Variants in SIM1 observed in about 807,000 individuals in gnomAD.
SIM1 encodes single-minded homolog 1.
In SIM1, 18 loss-of-function variants were observed where a neutral mutation model predicts 78.2. That is an observed-to-expected ratio of 0.23 (90% CI 0.16 to 0.34). The LOEUF is 0.34. Ranked by LOEUF, SIM1 falls within the 10% of genes least tolerant of loss-of-function variation. The pLI is 1.00. For missense variants in SIM1, 939 were observed against 975.1 expected (o/e 0.96, Z 0.49); for synonymous variants, 417 against 385.2 (o/e 1.08, Z -0.97).
chr6:100,461,644 C>A (rs947237313), intron 2 of SIM1, among the ~76,000 whole-genome samples: 5 of 152,060 alleles, frequency 3.3e-5, no homozygotes, highest in Non-Finnish European at 2.9e-5. Flanking sequence ...GTGCGGCCAG[C>A]GGAGTTCGCA....
rs1042820473 is a variant in SIM1, at chr6:100,458,739, C to T, written c.175+4555G>A. Among the ~76,000 whole-genome samples, 20 of 151,992 alleles carry T rather than the reference C, an allele frequency of 1.3e-4. 1 individual carries two copies. Among genetic ancestry groups the T allele is most frequent in the African/African-American group, 2.4e-5 (1 of 41,364 alleles). On this transcript the variant is annotated intron_variant, in intron 2 of 11. Transcript: ENST00000369208. Reference sequence around the variant, plus strand: ...CGACGGGGACCTCGACATGATTGTCCCCTGTCGGCCCTGCGCCGCCGAGGC... The same window carrying T: ...CGACGGGGACCTCGACATGATTGTCTCCTGTCGGCCCTGCGCCGCCGAGGC...
chr6:100,393,375 A>T lies in SIM1; in HGVS notation c.1570+112T>A, dbSNP rs116921704. 1.7e-3 allele frequency: 1,731 copies of T among 1,005,094 alleles called. 2 individuals carry two copies. The highest frequency in any genetic ancestry group is 1.9e-3 in the Non-Finnish European group (1,449 of 743,208). 62.3% of individuals were successfully genotyped at this position (1,005,094 alleles called of 1,614,324 possible). A position where few individuals can be genotyped will look rare whatever the true frequency, so the allele number is the denominator to read the frequency against. On this transcript the variant is annotated intron_variant, in intron 11 of 11. Transcript: ENST00000369208. ...TTTGTTTTTAATCCCATTGGTTCTG[A>T]TTTGTAAATCAAAGAAGATAACTAT...
chr6:100,414,867 T>G (rs1771359026), intron 10 of SIM1, among the ~76,000 whole-genome samples: 1 of 152,230 alleles, frequency 6.6e-6, no homozygotes, highest in Non-Finnish European at 1.5e-5. Flanking sequence ...AGTTTCTACC[T>G]TCACCAAAAG....
chr6:100,412,697 AAG>A (rs766806800), intron 10 of SIM1, among the ~76,000 whole-genome samples: 173 of 114,404 alleles, frequency 1.5e-3, no homozygotes, highest in Admixed American at 2.4e-3. Context: ...GAAAGAAAGA[AAG>A]AAAGAAAGAA....
rs1004424498 is a variant in SIM1, at chr6:100,388,806, G to C, written c.*1555C>G. 10 of 152,096 alleles carry C rather than the reference G, an allele frequency of 6.6e-5. No homozygotes were observed. The highest frequency in any genetic ancestry group is 2.4e-4 in the African/African-American group (10 of 41,418). The allele number at this position is 152,096 out of a possible 1,614,324, so 9.4% of individuals were successfully genotyped here. A position where few individuals can be genotyped will look rare whatever the true frequency, so the allele number is the denominator to read the frequency against. On this transcript the variant is annotated 3_prime_UTR_variant, in exon 12 of 12. Transcript: ENST00000369208. ...ATTTTGCTTTAATTACTAGAGAATA[G>C]AGCATTAAATAAATCTTGCTATTTT...
chr6:100,393,850 C>T lies in SIM1; in HGVS notation c.1207G>A (p.Asp403Asn). 1 of 1,595,044 alleles carries T rather than the reference C, an allele frequency of 6.3e-7. No individual in the cohort carries two copies. The highest frequency in any genetic ancestry group is 8.6e-7 in the Non-Finnish European group (1 of 1,168,288). Reference sequence around the variant, plus strand: ...AAGGGACTTCCGCCCCACTGGCTGTCATGATCAGATTCCGATCTTTCTGTG... The same window carrying T: ...AAGGGACTTCCGCCCCACTGGCTGTTATGATCAGATTCCGATCTTTCTGTG... ...FHTERSESDHDSQWGGSPLTD... is the reference protein window; with the variant it reads ...FHTERSESDHNSQWGGSPLTD... The change falls in exon 11 of 12, where the codon GAC (aspartate) becomes AAC (asparagine). Residue 403 changes from aspartate (D) to asparagine (N), a missense_variant. By Grantham distance (23) the Asp-to-Asn change is conservative. Around this residue, in one of 5 missense-constraint regions of SIM1, gnomAD observed 556 missense variants for 521.9 expected, o/e 1.07. Transcript: ENST00000369208.
chr6:100,454,187 G>C (rs989703131), intron 2 of SIM1, among the ~76,000 whole-genome samples: 2 of 152,156 alleles, frequency 1.3e-5, no homozygotes, highest in African/African-American at 4.8e-5. Flanking sequence ...GGGGCGTAAG[G>C]GCACTCTGCT....
chr6:100,392,724 G>T (rs1213165896), intron 11 of SIM1, among the ~76,000 whole-genome samples: 1 of 152,192 alleles, frequency 6.6e-6, no homozygotes, highest in Admixed American at 6.5e-5. Flanking sequence ...CAATCCTAAT[G>T]TCACTGACTT....
intron 9 of SIM1, among the ~76,000 whole-genome samples, chr6:100,429,379 A>C (rs946187289): frequency 1.3e-5 from 2 of 152,058 alleles, no homozygotes; most frequent in Admixed American, 6.6e-5. Context: ...AAAAAAAAAA[A>C]AAAACACACT....
At chr6:100,461,697 C>A (rs1224265959) in intron 2 of SIM1, among the ~76,000 whole-genome samples, 1 of 152,154 alleles carries the variant, frequency 6.6e-6, no homozygotes, top group Non-Finnish European at 1.5e-5. Flanking sequence ...GTATAAAAGA[C>A]AACGAGATCT....
At chr6:100,402,845 G>A (rs1056047479) in intron 10 of SIM1, among the ~76,000 whole-genome samples, 5 of 151,906 alleles carry the variant, frequency 3.3e-5, no homozygotes, top group Admixed American at 2.6e-4. Flanking sequence ...CAAAGTGCTG[G>A]GATTACAGGC....
At chr6:100,449,764 T>C in intron 4 of SIM1, 65 bp from the exon 5 acceptor site, 2 of 1,348,230 alleles carry the variant, frequency 1.5e-6, no homozygotes, top group East Asian at 2.3e-5. Flanking sequence ...ACTGAAAGAT[T>C]AGGCCAGGGG....
chr6:100,449,789 G>A (rs977456439), intron 4 of SIM1, 90 bp from the exon 5 acceptor site: 8 of 1,045,296 alleles, frequency 7.7e-6, no homozygotes, highest in Non-Finnish European at 1.0e-5. Context: ...GCAGGACCAT[G>A]AGGACAGCAG....
chr6:100,399,516 T>A (rs1391888804), intron 10 of SIM1, among the ~76,000 whole-genome samples: 2 of 152,052 alleles, frequency 1.3e-5, no homozygotes, highest in Admixed American at 6.6e-5. Flanking sequence ...TTGTTCTATA[T>A]GATGATAGTA....
At chr6:100,401,014 T>C (rs545045001) in intron 10 of SIM1, among the ~76,000 whole-genome samples, 2 of 152,150 alleles carry the variant, frequency 1.3e-5, no homozygotes, top group African/African-American at 4.8e-5. Flanking sequence ...AGAAACCAAA[T>C]GACACTTTCA....
At chr6:100,407,059 T>C (rs13191359) in intron 10 of SIM1, among the ~76,000 whole-genome samples, 22,415 of 152,174 alleles carry the variant, frequency 0.15, 1,733 homozygotes, top group African/African-American at 0.2. Flanking sequence ...ATAAGTGAAA[T>C]CATGCAGTAT....
At chr6:100,414,515 A>G (rs1771350169) in intron 10 of SIM1, among the ~76,000 whole-genome samples, 1 of 152,226 alleles carries the variant, frequency 6.6e-6, no homozygotes, top group African/African-American at 2.4e-5. Context: ...ATAATCTCCT[A>G]AAATTTCAAC....
intron 4 of SIM1, 114 bp from the exon 5 acceptor site, chr6:100,449,813 A>C: frequency 3.6e-6 from 3 of 824,564 alleles, no homozygotes; most frequent in Non-Finnish European, 6.0e-6. Flanking sequence ...GAATTCTGGA[A>C]TTGGCCCTGA....
intron 10 of SIM1, among the ~76,000 whole-genome samples, chr6:100,407,354 C>T (rs1771076791): frequency 6.6e-6 from 1 of 152,058 alleles, no homozygotes; most frequent in African/African-American, 2.4e-5. Context: ...TTAATCCACT[C>T]ATTCATCAAT....
Sources: allele counts gnomAD v4.1 joint callset (sites outside exome capture counted in the v4.1 genomes callset), GRCh38; gene constraint gnomAD v4.1.1; regional missense constraint gnomAD v4.1.1; transcripts MANE v1.5; gene names NCBI Gene and HGNC (gene_info 2026-07-23, HGNC 2026-07-21).